Variants in ARHGAP24 observed in about 807,000 individuals in gnomAD.
ARHGAP24 encodes the protein Rho GTPase activating protein 24, also known as rho GTPase-activating protein 24.
A neutral mutation model predicts 76.4 loss-of-function variants in ARHGAP24; 50 were observed. That is an observed-to-expected ratio of 0.65 (90% CI 0.52 to 0.83). ARHGAP24 has a LOEUF of 0.83. Among genes scored for constraint, ARHGAP24 ranks in the 40% least tolerant of loss-of-function variants. The probability of loss-of-function intolerance (pLI) is 0.00; values close to 1 mark genes in which losing one functional copy is unlikely to be tolerated. For missense variants in ARHGAP24, 930 were observed against 914.2 expected, an observed-to-expected ratio of 1.02 and a Z score of -0.22; for synonymous variants, 345 against 323.3, an observed-to-expected ratio of 1.07 and a Z score of -0.72.
chr4:85,905,897 G>T (rs1001335180), intron 3 of ARHGAP24, among the ~76,000 whole-genome samples: 1 of 152,084 alleles, frequency 6.6e-6, no homozygotes, highest in African/African-American at 2.4e-5. Flanking sequence ...ACCTTGGTTT[G>T]TTCGTGGCAC....
chr4:85,839,119 A>G (rs9999508), intron 3 of ARHGAP24, among the ~76,000 whole-genome samples: 1,690 of 152,354 alleles, frequency 0.011, 31 homozygotes, highest in African/African-American at 0.038. Flanking sequence ...TAAAAATGGT[A>G]GCTATTCTCA....
In ARHGAP24 at chr4:85,559,585, C is replaced by T. The variant is rs73835212; in HGVS notation, c.-20-10937C>T. On this transcript the variant is annotated intron_variant, in intron 1 of 9. Coordinates refer to ENST00000395184, the MANE Select transcript of ARHGAP24 (RefSeq NM_001025616.3). ...CTCCCCAAATTTCTTTTCTTTGTGA[C>T]AGTTTTTCAAAACAAAATCATATTA... Among the ~76,000 whole-genome samples, 842 of 152,238 alleles carry T rather than the reference C, an allele frequency of 5.5e-3. 8 individuals are homozygous for T. Among genetic ancestry groups the T allele is most frequent in the African/African-American group, 0.02 (813 of 41,558 alleles).
intron 2 of ARHGAP24, among the ~76,000 whole-genome samples, chr4:85,682,328 A>G (rs779864725): frequency 3.3e-5 from 5 of 152,260 alleles, no homozygotes; most frequent in East Asian, 1.9e-4. Context: ...AGTTTGCTCT[A>G]TTACCAGAAA....
chr4:85,581,561 C>G (rs989427555), intron 2 of ARHGAP24, among the ~76,000 whole-genome samples: 5 of 152,098 alleles, frequency 3.3e-5, no homozygotes, highest in African/African-American at 1.2e-4. Context: ...TAGTACTGGC[C>G]TTGCTTGAAG....
At chr4:85,850,972 G>C (rs1357772470) in intron 3 of ARHGAP24, among the ~76,000 whole-genome samples, 1 of 152,080 alleles carries the variant, frequency 6.6e-6, no homozygotes, top group African/African-American at 2.4e-5. Flanking sequence ...GGTCCCCTTG[G>C]TGCAGAGCTG....
chr4:85,632,768 A>G lies in ARHGAP24; in HGVS notation c.180+62047A>G, dbSNP rs536101122. ...TTTGCAATTGCAATTACCTGCTGCTATATGTTTCTTCACACATAAAGGTGT... is the reference window on the plus strand; with the variant it reads ...TTTGCAATTGCAATTACCTGCTGCTGTATGTTTCTTCACACATAAAGGTGT... On this transcript the variant is annotated intron_variant, in intron 2 of 9. Coordinates refer to ENST00000395184, the MANE Select transcript of ARHGAP24 (RefSeq NM_001025616.3). Among the ~76,000 whole-genome samples, 85 of 152,102 alleles carry G rather than the reference A, an allele frequency of 5.6e-4. 1 individual carries two copies. Among genetic ancestry groups the G allele is most frequent in the African/African-American group, 1.9e-3 (79 of 41,554 alleles).
chr4:85,654,280 C>G (rs934715610), intron 2 of ARHGAP24, among the ~76,000 whole-genome samples: 3 of 152,186 alleles, frequency 2.0e-5, no homozygotes, highest in African/African-American at 4.8e-5. Context: ...CCTGGCATCT[C>G]TCTCTTCTCT....
intron 1 of ARHGAP24, among the ~76,000 whole-genome samples, chr4:85,517,945 G>T (rs560791103): frequency 6.6e-6 from 1 of 152,104 alleles, no homozygotes; most frequent in Non-Finnish European, 1.5e-5. Flanking sequence ...GAAGGCAGAA[G>T]GGGTGTCACA....
intron 1 of ARHGAP24, among the ~76,000 whole-genome samples, chr4:85,503,248 G>A (rs1723899558): frequency 6.6e-6 from 1 of 152,142 alleles, no homozygotes; most frequent in Non-Finnish European, 1.5e-5. Flanking sequence ...AGTTAGGGAG[G>A]ATTCCCTCTT....
At chr4:85,724,160 A>G (rs1725066161) in intron 3 of ARHGAP24, among the ~76,000 whole-genome samples, 1 of 152,144 alleles carries the variant, frequency 6.6e-6, no homozygotes, top group South Asian at 2.1e-4. Context: ...CATAAAGCAT[A>G]TTTATTCTAG....
At chr4:85,917,973 G>T (rs2148806495) in intron 3 of ARHGAP24, among the ~76,000 whole-genome samples, 1 of 152,110 alleles carries the variant, frequency 6.6e-6, no homozygotes, top group African/African-American at 2.4e-5. Flanking sequence ...CTAGTTACCT[G>T]ACGTAGTCTG....
intron 2 of ARHGAP24, among the ~76,000 whole-genome samples, chr4:85,706,692 A>T (rs1444610816): frequency 6.6e-6 from 1 of 151,768 alleles, no homozygotes; most frequent in Non-Finnish European, 1.5e-5. Context: ...CAGCCTCCTG[A>T]GTAGCTGGGG....
intron 2 of ARHGAP24, among the ~76,000 whole-genome samples, chr4:85,586,130 C>A (rs10029470): frequency 0.039 from 5,918 of 152,172 alleles, 397 homozygotes; most frequent in African/African-American, 0.14. Flanking sequence ...TTTTTTTCCC[C>A]CCTCTCTTTC....
intron 3 of ARHGAP24, among the ~76,000 whole-genome samples, chr4:85,885,663 G>A (rs1264847049): frequency 2.0e-5 from 3 of 151,904 alleles, no homozygotes; most frequent in Non-Finnish European, 4.4e-5. Flanking sequence ...ATTATTCCTA[G>A]TAAATTGGGA....
intron 2 of ARHGAP24, among the ~76,000 whole-genome samples, chr4:85,619,459 A>G (rs889709840): frequency 7.9e-5 from 12 of 151,754 alleles, no homozygotes; most frequent in African/African-American, 2.9e-4. Context: ...GTCTTCTATT[A>G]TTCCTTATAA....
At chr4:85,997,345 G>A (rs56175649) in intron 9 of ARHGAP24, among the ~76,000 whole-genome samples, 1 of 124,352 alleles carries the variant, frequency 8.0e-6, no homozygotes, top group East Asian at 2.2e-4. Context: ...GATAGATAGA[G>A]AGATAGATAA....
At chr4:85,501,295 G>A (rs906184170) in intron 1 of ARHGAP24, among the ~76,000 whole-genome samples, 6 of 152,168 alleles carry the variant, frequency 3.9e-5, no homozygotes, top group African/African-American at 1.4e-4. Context: ...TTGAGGAATT[G>A]CCACACTGTC....
In ARHGAP24 at chr4:85,724,461, A is replaced by C. The variant is rs59664475; in HGVS notation, c.268+2489A>C. On this transcript the variant is annotated intron_variant, in intron 3 of 9. Transcript: ENST00000395184. ...ACGAATACAGTTTATCCATATGTGCACTGTATGTCCTTATAATTTTTCCAT... is the reference window on the plus strand; with the variant it reads ...ACGAATACAGTTTATCCATATGTGCCCTGTATGTCCTTATAATTTTTCCAT... 6.9e-3 allele frequency among the ~76,000 whole-genome samples: 1,036 copies of C among 149,126 alleles called. 18 individuals carry two copies. The highest frequency in any genetic ancestry group is 0.023 in the African/African-American group (937 of 40,004).
In ARHGAP24 at chr4:85,976,382, T is replaced by C. The variant is rs1337965700; in HGVS notation, c.807-1188T>C. ...TTCAAGTCTTAGCTTTGCCCCTTAC[T>C]AACTCTGTCTTTGGAGAAGATCCCC... On this transcript the variant is annotated intron_variant, in intron 7 of 9. Coordinates refer to ENST00000395184, the MANE Select transcript of ARHGAP24 (RefSeq NM_001025616.3). Among the ~76,000 whole-genome samples, 6 of 152,148 alleles carry C rather than the reference T, an allele frequency of 3.9e-5. No individual in the cohort carries two copies. The East Asian group carries it at 9.6e-4, about 24-fold the overall frequency.
Sources: gnomAD v4.1 joint callset for allele counts (sites outside exome capture counted in the v4.1 genomes callset) on GRCh38, gnomAD v4.1.1 for gene constraint, MANE v1.5 for transcripts, NCBI Gene and HGNC (gene_info 2026-07-23, HGNC 2026-07-21) for gene names.